The following BCL11B variants were observed in gnomAD, a reference collection of about 807,000 sequenced individuals.
BCL11B encodes the protein BCL11 transcription factor B, also known as B-cell lymphoma/leukemia 11B.
Under a neutral mutation model 49.9 loss-of-function variants are expected in BCL11B, and 8 were observed. That is an observed-to-expected ratio of 0.16 (90% confidence interval 0.09 to 0.29). The LOEUF (loss-of-function observed/expected upper bound fraction) is 0.29. Ranked by LOEUF, BCL11B falls within the 10% of genes least tolerant of loss-of-function variation. The probability of loss-of-function intolerance (pLI) is 1.00; values close to 1 mark genes in which losing one functional copy is unlikely to be tolerated. For missense variants in BCL11B, 1,006 were observed against 1,351.0 expected, an observed-to-expected ratio of 0.74 and a Z score of 4.00; for synonymous variants, 739 against 637.4, an observed-to-expected ratio of 1.16 and a Z score of -2.40.
At chr14:99,216,960 A>C (rs11160506) in intron 3 of BCL11B, among the ~76,000 whole-genome samples, 48,980 of 151,990 alleles carry the variant, frequency 0.32, 9,274 homozygotes, top group Non-Finnish European at 0.44. Context: ...ACATCTGCAC[A>C]CACGTGTGTG....
At position 99,232,116 on chromosome 14, in the gene BCL11B, G is replaced by A. The variant is rs1391984017; in HGVS notation, c.428-559C>T. 6.6e-6 allele frequency among the ~76,000 whole-genome samples: 1 copy of A among 152,104 alleles called. No individual in the cohort carries two copies. The highest frequency in any genetic ancestry group is 2.4e-5 in the African/African-American group (1 of 41,426). On this transcript the variant is annotated intron_variant, in intron 2 of 3. Transcript: ENST00000357195. This position sits in a 1 kb window ranked among gnomAD's most constrained non-coding sequence, Gnocchi z 5.1. ...CCTGTCTGGCAGACCACCAGCTGGG[G>A]GCTCTCTCCAGCCCCAAGCACTGAG...
Position 99,231,616 on chromosome 14 carries a change from C to A in BCL11B, c.428-59G>T. 1.2e-6 allele frequency: 1 copy of A among 850,322 alleles called. No homozygotes were observed. The highest frequency in any genetic ancestry group is 1.8e-6 in the Non-Finnish European group (1 of 567,372). The allele number at this position is 850,322 out of a possible 1,614,324, so 52.7% of individuals were successfully genotyped here. On this transcript the variant is annotated intron_variant, in intron 2 of 3. Transcript: ENST00000357195. This position sits in a 1 kb window ranked among gnomAD's most constrained non-coding sequence, Gnocchi z 8.1. Reference sequence around the variant, plus strand: ...CGGGCCCTGGACTGTGTGAGGGGCACGGGGTGGGACGGGGCTCGGGGCGTG... The same window carrying A: ...CGGGCCCTGGACTGTGTGAGGGGCAAGGGGTGGGACGGGGCTCGGGGCGTG...
At position 99,228,023 on chromosome 14, in the gene BCL11B, G is replaced by A. The variant is rs983798484; in HGVS notation, c.640+3322C>T. Among the ~76,000 whole-genome samples, 1 of 152,166 alleles carries A rather than the reference G, an allele frequency of 6.6e-6. No individual in the cohort carries two copies. The highest frequency in any genetic ancestry group is 1.5e-5 in the Non-Finnish European group (1 of 68,036). On this transcript the variant is annotated intron_variant, in intron 3 of 3. Coordinates refer to ENST00000357195, the MANE Select transcript of BCL11B (RefSeq NM_138576.4). This position sits in a 1 kb window ranked among gnomAD's most constrained non-coding sequence, Gnocchi z 4.8. The stretch of plus-strand genomic sequence containing the variant: ...AGGGTGTGCACAAACACACATACCT[G>A]TGTGGTTTTCTCCCCCCGTAAAATC...
At chr14:99,224,815 A>G (rs976592077) in intron 3 of BCL11B, among the ~76,000 whole-genome samples, 13 of 152,332 alleles carry the variant, frequency 8.5e-5, no homozygotes, top group African/African-American at 3.1e-4. Flanking sequence ...ATTCACTGCA[A>G]GGGAAGGACC....
chr14:99,257,920 A>C lies in BCL11B; in HGVS notation c.59-81T>G, dbSNP rs1889220989. 7.9e-6 allele frequency: 11 copies of C among 1,388,352 alleles called. No individual in the cohort carries two copies. Among genetic ancestry groups the C allele is most frequent in the Non-Finnish European group, 7.5e-6 (8 of 1,062,892 alleles). 86.0% of individuals were successfully genotyped at this position (1,388,352 alleles called of 1,614,324 possible). On this transcript the variant is annotated intron_variant, in intron 1 of 3. Coordinates refer to ENST00000357195, the MANE Select transcript of BCL11B (RefSeq NM_138576.4). This position sits in a 1 kb window ranked among gnomAD's most constrained non-coding sequence, Gnocchi z 6.2. ...GGTCACAGCACCCAACTTCCGGTCC[A>C]CCCCTTCCCCGCCAAGAAGCAGCCC...
At chr14:99,203,889 T>C (rs1198151829) in intron 3 of BCL11B, among the ~76,000 whole-genome samples, 1 of 149,984 alleles carries the variant, frequency 6.7e-6, no homozygotes, top group East Asian at 2.0e-4. Flanking sequence ...GTCAATCTTA[T>C]CGCAACGCCC....
Position 99,174,499 on chromosome 14 carries a change from C to T in BCL11B, c.2337G>A (p.Leu779=), listed in dbSNP as rs1198618960. 5.8e-6 allele frequency: 9 copies of T among 1,548,362 alleles called. No individual in the cohort carries two copies. In the South Asian group the frequency reaches 8.3e-5, roughly 14 times the overall value. The part of the protein sequence containing the change: ...GTASGGSTPH[L]GGPGPGRPSS... ...TGGGCCGCCCGGGGCCCGGGCCGCC[C>T]AGGTGCGGGGTGCTGCCTCCGCTGG... is the stretch of plus-strand genomic sequence containing the variant. The change falls in exon 4 of 4, where the codon CTG becomes CTA. Residue 779 remains leucine (L), a synonymous_variant. Transcript: ENST00000357195.
intron 3 of BCL11B, among the ~76,000 whole-genome samples, chr14:99,177,852 T>G (rs1886585633): frequency 6.6e-6 from 1 of 152,144 alleles, no homozygotes; most frequent in African/African-American, 2.4e-5. Context: ...CACCCACTAA[T>G]TATGTTTCTG....
rs1337867655 is a variant in BCL11B at position 99,175,314 on chromosome 14, C to T, written c.1522G>A (p.Glu508Lys). The T allele has an allele frequency of 6.5e-7, 1 of 1,541,736 alleles. No homozygotes were observed. Among genetic ancestry groups the T allele is most frequent in the Non-Finnish European group, 8.7e-7 (1 of 1,149,028 alleles). The change falls in exon 4 of 4, where the codon GAG (glutamate) becomes AAG (lysine). Residue 508 changes from glutamate to lysine, a missense_variant. Physicochemically the swap from Glu to Lys is moderately conservative, Grantham distance 56. Transcript: ENST00000357195. ...PEPGTSELAG[E>K]GLKAADGDFR... Reference sequence around the variant, plus strand: ...TCACCGTCGGCCGCCTTGAGGCCCTCGCCCGCCAGCTCGCTGGTGCCGGGC... The same window carrying T: ...TCACCGTCGGCCGCCTTGAGGCCCTTGCCCGCCAGCTCGCTGGTGCCGGGC...
chr14:99,196,253 A>C (rs1198671662), intron 3 of BCL11B, among the ~76,000 whole-genome samples: 1 of 152,162 alleles, frequency 6.6e-6, no homozygotes, highest in Non-Finnish European at 1.5e-5. Flanking sequence ...ATGATCTTGT[A>C]ACCAGGCAAC....
chr14:99,180,686 G>A (rs1010996311), intron 3 of BCL11B, among the ~76,000 whole-genome samples: 10 of 152,220 alleles, frequency 6.6e-5, no homozygotes, highest in Non-Finnish European at 1.5e-4. Context: ...ACATGGCTAT[G>A]CAGGCGTTAC....
At chr14:99,180,035 A>C (rs978049294) in intron 3 of BCL11B, among the ~76,000 whole-genome samples, 2 of 152,160 alleles carry the variant, frequency 1.3e-5, no homozygotes, top group African/African-American at 4.8e-5. Context: ...CCTGGTGAGC[A>C]GGCTGCTTCT....
At chr14:99,189,061 C>T (rs1886946132) in intron 3 of BCL11B, among the ~76,000 whole-genome samples, 1 of 152,200 alleles carries the variant, frequency 6.6e-6, no homozygotes, top group Non-Finnish European at 1.5e-5. Flanking sequence ...GATTTTGGGC[C>T]GACGCAGATG....
rs1214484380 is a variant in BCL11B, at chr14:99,174,952, C to T, written c.1884G>A (p.Ala628=). ...QKRGAFLKRA[A]GGGDAGDDDD... The stretch of plus-strand genomic sequence containing the variant: ...CGTCGTCGCCCGCGTCCCCGCCGCC[C>T]GCCGCACGCTTCAGGAAGGCGCCGC... Residue 628 remains alanine, a synonymous_variant, in exon 4 of 4, where the codon GCG becomes GCA. Transcript: ENST00000357195. The T allele has an allele frequency of 1.3e-6, 2 of 1,486,142 alleles. No homozygotes were observed. Among genetic ancestry groups the T allele is most frequent in the Non-Finnish European group, 1.8e-6 (2 of 1,125,040 alleles). The allele number at this position is 1,486,142 out of a possible 1,614,324, so 92.1% of individuals were successfully genotyped here.
At chr14:99,216,389 G>T (rs1006612461) in intron 3 of BCL11B, among the ~76,000 whole-genome samples, 3 of 152,164 alleles carry the variant, frequency 2.0e-5, no homozygotes, top group African/African-American at 4.8e-5. Flanking sequence ...CACAGGCTGG[G>T]CTACCTGCCC....
At chr14:99,178,188 A>T (rs1443153931) in intron 3 of BCL11B, among the ~76,000 whole-genome samples, 2 of 152,302 alleles carry the variant, frequency 1.3e-5, no homozygotes, top group East Asian at 3.9e-4. Flanking sequence ...TTACATAGGG[A>T]TTCTTTCCCT....
At chr14:99,230,740 C>T (rs954175832) in intron 3 of BCL11B, among the ~76,000 whole-genome samples, 1 of 152,176 alleles carries the variant, frequency 6.6e-6, no homozygotes, top group African/African-American at 2.4e-5. Context: ...CTGGGTCTGG[C>T]CCAGAGCCGG....
intron 2 of BCL11B, among the ~76,000 whole-genome samples, chr14:99,252,695 C>G (rs893994076): frequency 6.6e-6 from 1 of 152,382 alleles, no homozygotes; most frequent in East Asian, 1.9e-4. Context: ...CTGTCACCTG[C>G]TGCCTGTCTC....
chr14:99,238,320 C>T (rs903824329), intron 2 of BCL11B, among the ~76,000 whole-genome samples: 1 of 152,162 alleles, frequency 6.6e-6, no homozygotes, highest in Admixed American at 6.5e-5. Flanking sequence ...CAGCAGCTGC[C>T]TCTTGCAATT....
Sources: allele counts gnomAD v4.1 joint callset (sites outside exome capture counted in the v4.1 genomes callset), GRCh38; gene constraint gnomAD v4.1.1; non-coding constraint Gnocchi (gnomAD v3.1); transcripts MANE v1.5; gene names NCBI Gene and HGNC (gene_info 2026-07-23, HGNC 2026-07-21).